Variants in CNTN4 observed in about 807,000 individuals in gnomAD.
The protein encoded by CNTN4 is contactin-4.
CNTN4 carries 77 observed loss-of-function variants against 122.5 expected under a neutral mutation model. That is an observed-to-expected ratio of 0.63 (90% CI 0.52 to 0.76). The LOEUF (loss-of-function observed/expected upper bound fraction) is 0.76. Ranked by LOEUF, CNTN4 falls within the 30% of genes least tolerant of loss-of-function variation. The pLI, the probability that CNTN4 is intolerant of heterozygous loss-of-function variation, is 0.00. For synonymous variants in CNTN4, 512 were observed against 447.0 expected (o/e 1.15, Z -1.83); for missense variants, 1,256 against 1,259.1 (o/e 1.00, Z 0.04).
At chr3:2,737,609 G>T (rs1020413580) in intron 5 of CNTN4, among the ~76,000 whole-genome samples, 1 of 152,202 alleles carries the variant, frequency 6.6e-6, no homozygotes, top group Non-Finnish European at 1.5e-5. Flanking sequence ...AATGTCAGAA[G>T]TCTACAAGTA....
At chr3:3,001,010 A>G (rs1215230683) in intron 14 of CNTN4, among the ~76,000 whole-genome samples, 1 of 152,060 alleles carries the variant, frequency 6.6e-6, no homozygotes, top group Non-Finnish European at 1.5e-5. Flanking sequence ...AGAGTCCAAT[A>G]AAAGTATCCG....
At chr3:2,783,416 A>G (rs909785392) in intron 6 of CNTN4, among the ~76,000 whole-genome samples, 4 of 152,112 alleles carry the variant, frequency 2.6e-5, no homozygotes, top group African/African-American at 9.7e-5. Flanking sequence ...TCCACACTAT[A>G]CCTATTGTTT....
chr3:2,796,044 C>G (rs540522494), intron 6 of CNTN4, among the ~76,000 whole-genome samples: 2 of 152,044 alleles, frequency 1.3e-5, no homozygotes, highest in Non-Finnish European at 2.9e-5. Flanking sequence ...TTTTTATTCT[C>G]ACAGAGAATT....
At chr3:2,737,559 A>C (rs891189870) in intron 5 of CNTN4, among the ~76,000 whole-genome samples, 5 of 152,254 alleles carry the variant, frequency 3.3e-5, no homozygotes, top group Admixed American at 2.0e-4. Flanking sequence ...CTTAATAAAC[A>C]TATTTTAAAC....
At position 2,323,548 on chromosome 3, in the gene CNTN4, A is replaced by T. The variant is rs73807719; in HGVS notation, c.-144-15630A>T. Among the ~76,000 whole-genome samples, 646 of 152,272 alleles carry T rather than the reference A, an allele frequency of 4.2e-3. 2 individuals carry two copies. Among genetic ancestry groups the T allele is most frequent in the African/African-American group, 0.015 (613 of 41,552 alleles). On this transcript the variant is annotated intron_variant, in intron 2 of 24. Coordinates refer to ENST00000418658, the MANE Select transcript of CNTN4 (RefSeq NM_175607.3). Reference sequence around the variant, plus strand: ...TTGTAGCTCTTAGATTTAAATGATCACCTGTTCTTTTTTGTAGTCAAGTTG... The same window carrying T: ...TTGTAGCTCTTAGATTTAAATGATCTCCTGTTCTTTTTTGTAGTCAAGTTG...
intron 7 of CNTN4, among the ~76,000 whole-genome samples, chr3:2,837,564 A>G (rs1479547109): frequency 6.6e-6 from 1 of 152,204 alleles, no homozygotes; most frequent in Non-Finnish European, 1.5e-5. Context: ...GAATGAAAAA[A>G]TACACATATA....
At chr3:2,321,264 T>G (rs535063678) in intron 2 of CNTN4, among the ~76,000 whole-genome samples, 1 of 152,252 alleles carries the variant, frequency 6.6e-6, no homozygotes, top group African/African-American at 2.4e-5. Context: ...GTAAAAAACT[T>G]CAACTCAGGA....
At chr3:2,372,267 A>T (rs1391201773) in intron 3 of CNTN4, among the ~76,000 whole-genome samples, 4 of 152,370 alleles carry the variant, frequency 2.6e-5, no homozygotes, top group Admixed American at 2.6e-4. Flanking sequence ...AAGCAGTATT[A>T]TAAAGGAGAC....
chr3:2,851,811 A>T (rs191255438), intron 7 of CNTN4, among the ~76,000 whole-genome samples: 3 of 152,210 alleles, frequency 2.0e-5, no homozygotes, highest in African/African-American at 7.2e-5. Flanking sequence ...ATCCAGGGTG[A>T]TGGGTTTCAG....
At chr3:2,835,776 A>G (rs1177521195) in intron 7 of CNTN4, among the ~76,000 whole-genome samples, 1 of 152,182 alleles carries the variant, frequency 6.6e-6, no homozygotes, top group Admixed American at 6.5e-5. Context: ...CCTGAAACAA[A>G]TTAATAACCT....
chr3:2,683,617 C>T (rs1165231404), intron 4 of CNTN4, among the ~76,000 whole-genome samples: 1 of 149,804 alleles, frequency 6.7e-6, no homozygotes, highest in East Asian at 2.0e-4. Flanking sequence ...TGATGATTAA[C>T]AGTAGTATAG....
intron 2 of CNTN4, among the ~76,000 whole-genome samples, chr3:2,146,865 C>G (rs747758929): frequency 2.0e-5 from 3 of 151,972 alleles, no homozygotes; most frequent in Non-Finnish European, 4.4e-5. Context: ...ACACTTCATT[C>G]CATAGTTTTT....
At chr3:2,640,028 A>G (rs900748619) in intron 4 of CNTN4, among the ~76,000 whole-genome samples, 18 of 152,236 alleles carry the variant, frequency 1.2e-4, no homozygotes, top group Non-Finnish European at 2.1e-4. Context: ...GTACAGTGAA[A>G]ATCATCAACA....
intron 2 of CNTN4, among the ~76,000 whole-genome samples, chr3:2,182,470 T>C (rs1007939777): frequency 6.6e-6 from 1 of 152,130 alleles, no homozygotes; most frequent in Non-Finnish European, 1.5e-5. Flanking sequence ...CCAAGTTAAG[T>C]CTTTTCATCT....
At chr3:2,483,322 A>AC (rs1352963679) in intron 3 of CNTN4, among the ~76,000 whole-genome samples, 2 of 151,818 alleles carry the variant, frequency 1.3e-5, no homozygotes, top group Admixed American at 1.3e-4. Context: ...CAATATCTGT[A>AC]CCCCCATTGT....
In CNTN4 at chr3:2,376,632, A is replaced by G. The variant is rs116691375; in HGVS notation, c.-89+37399A>G. On this transcript the variant is annotated intron_variant, in intron 3 of 24. Coordinates refer to ENST00000418658, the MANE Select transcript of CNTN4 (RefSeq NM_175607.3). Reference sequence around the variant, plus strand: ...CTACCTTGAGGATTTCCCAGTTCTCAATTTTCATGTTCTGTTTGTTTCTGT... The same window carrying G: ...CTACCTTGAGGATTTCCCAGTTCTCGATTTTCATGTTCTGTTTGTTTCTGT... Among the ~76,000 whole-genome samples, 4 of 148,942 alleles carry G rather than the reference A, an allele frequency of 2.7e-5. No homozygotes were observed. The Admixed American group carries it at 2.7e-4, about 10-fold the overall frequency.
chr3:2,286,225 A>C lies in CNTN4; in HGVS notation c.-144-52953A>C, dbSNP rs1406731876. Reference sequence around the variant, plus strand: ...TCTCCTGCCGTGTGTGTGTGTGTGCATACACCCCCTGCCCCCCCCACAACA... The same window carrying C: ...TCTCCTGCCGTGTGTGTGTGTGTGCCTACACCCCCTGCCCCCCCCACAACA... On this transcript the variant is annotated intron_variant, in intron 2 of 24. Transcript: ENST00000418658. Among the ~76,000 whole-genome samples, 5 of 62,764 alleles carry C rather than the reference A, an allele frequency of 8.0e-5. No individual in the cohort carries two copies. The East Asian group carries it at 2.4e-3, about 31-fold the overall frequency. 41.2% of individuals were successfully genotyped at this position (62,764 alleles called of 152,430 possible).
intron 3 of CNTN4, among the ~76,000 whole-genome samples, chr3:2,483,221 A>C (rs1473008857): frequency 2.6e-5 from 4 of 152,162 alleles, no homozygotes; most frequent in African/African-American, 2.4e-5. Flanking sequence ...TTTAAGGTTT[A>C]CTGACTGTCC....
intron 7 of CNTN4, among the ~76,000 whole-genome samples, chr3:2,831,890 T>C (rs2093113526): frequency 6.6e-6 from 1 of 152,232 alleles, no homozygotes; most frequent in African/African-American, 2.4e-5. Flanking sequence ...GAAGCCCAGT[T>C]CTTATCATTT....
Sources: gnomAD v4.1 joint callset for allele counts (sites outside exome capture counted in the v4.1 genomes callset) on GRCh38, gnomAD v4.1.1 for gene constraint, MANE v1.5 for transcripts, NCBI Gene and HGNC (gene_info 2026-07-23, HGNC 2026-07-21) for gene names.